The following SASH1 variants were observed in gnomAD, a reference collection of about 807,000 sequenced individuals.
SASH1 encodes SAM and SH3 domain containing 1.
Under a neutral mutation model 125.2 loss-of-function variants are expected in SASH1, and 44 were observed. That is an observed-to-expected ratio of 0.35 (90% CI 0.28 to 0.45). The LOEUF (loss-of-function observed/expected upper bound fraction) is 0.45. Ranked by LOEUF, SASH1 falls within the 20% of genes least tolerant of loss-of-function variation. The pLI is 1.00. For synonymous variants in SASH1, 639 were observed against 649.1 expected, an observed-to-expected ratio of 0.98 and a Z score of 0.24; for missense variants, 1,426 against 1,614.5, an observed-to-expected ratio of 0.88 and a Z score of 2.00.
intron 1 of SASH1, among the ~76,000 whole-genome samples, chr6:148,287,934 T>C (rs553619215): frequency 7.2e-5 from 11 of 152,336 alleles, no homozygotes; most frequent in Admixed American, 6.5e-4. Flanking sequence ...TTTAGTCCTC[T>C]CTGGAAAAAG....
At chr6:148,195,651 C>T in the SASH1 span, among the ~76,000 whole-genome samples, 1 of 152,212 alleles carries the variant, frequency 6.6e-6, no homozygotes, top group Non-Finnish European at 1.5e-5. Flanking sequence ...TGGGTGGTGG[C>T]TTCCCGTGAG....
At chr6:148,467,851 C>T (rs1011011843) in intron 4 of SASH1, among the ~76,000 whole-genome samples, 10 of 152,226 alleles carry the variant, frequency 6.6e-5, no homozygotes, top group East Asian at 1.9e-4. Flanking sequence ...ACAGGAGAAT[C>T]GCTTGAACCC....
intron 2 of SASH1, among the ~76,000 whole-genome samples, chr6:148,426,247 C>CT (rs1300191276): frequency 6.6e-6 from 1 of 151,840 alleles, no homozygotes; most frequent in African/African-American, 2.4e-5. Flanking sequence ...AATAATAATA[C>CT]TTTTTTTTCC....
chr6:148,484,208 C>T (rs1181459826), intron 7 of SASH1, among the ~76,000 whole-genome samples: 1 of 152,070 alleles, frequency 6.6e-6, no homozygotes, highest in African/African-American at 2.4e-5. Flanking sequence ...CCCTAAAGGT[C>T]TCCAAGATGG....
rs2115411127 is a variant in SASH1, at chr6:148,533,624, A to G, written c.1735-147A>G. The G allele has an allele frequency of 1.4e-6, 1 of 722,876 alleles. No individual in the cohort carries two copies. Among genetic ancestry groups the G allele is most frequent in the Non-Finnish European group, 2.4e-6 (1 of 419,640 alleles). The allele number at this position is 722,876 out of a possible 1,614,324, so 44.8% of individuals were successfully genotyped here. On this transcript the variant is annotated intron_variant, in intron 14 of 19. Transcript: ENST00000367467. The surrounding 1 kb of genome is among the most constrained non-coding windows in gnomAD (Gnocchi z 6.2). ...CGGAGCTCACAGTCACATCCTATGC[A>G]GGTCACTCAGAGGGGTGACTTGTGG...
chr6:148,431,922 C>T (rs1228478236), intron 2 of SASH1, among the ~76,000 whole-genome samples: 1 of 151,286 alleles, frequency 6.6e-6, no homozygotes, highest in Non-Finnish European at 1.5e-5. Context: ...ACCCATTTGT[C>T]ATAAGCAGGA....
intron 1 of SASH1, among the ~76,000 whole-genome samples, chr6:148,324,704 CT>C (rs1295328080): frequency 1.3e-5 from 2 of 152,198 alleles, no homozygotes; most frequent in African/African-American, 4.8e-5. Context: ...AAGAAATAGA[CT>C]CTGGGCTGAG....
intron 16 of SASH1, among the ~76,000 whole-genome samples, chr6:148,535,865 A>G (rs539428739): frequency 6.6e-6 from 1 of 152,346 alleles, no homozygotes; most frequent in South Asian, 2.1e-4. Flanking sequence ...AAGACACACC[A>G]AAACCATGGT....
chr6:148,487,634 G>A lies in SASH1; in HGVS notation c.648G>A (p.Gln216=), dbSNP rs1288607254. ...TACAGCTCAAGGAATACGAGGCCCA[G>A]CACCGGCAGTCGGCTGCCCTGGACC... The part of the protein sequence containing the change: ...ALARLKEYEA[Q]HRQSAALDPA... Residue 216 remains glutamine (Q), a synonymous_variant, in exon 8 of 20, where the codon CAG becomes CAA. Coordinates refer to ENST00000367467, the MANE Select transcript of SASH1 (RefSeq NM_015278.5). 1 of 1,613,444 alleles carries A rather than the reference G, an allele frequency of 6.2e-7. No homozygotes were observed. Among genetic ancestry groups the A allele is most frequent in the African/African-American group, 1.3e-5 (1 of 74,996 alleles).
At chr6:148,234,783 C>A in the SASH1 span, among the ~76,000 whole-genome samples, 1 of 150,946 alleles carries the variant, frequency 6.6e-6, no homozygotes, top group Non-Finnish European at 1.5e-5. Context: ...GCCGAGACTG[C>A]GCCATTGCAC....
intron 8 of SASH1, 69 bp downstream of exon 8, chr6:148,487,784 CTT>C: frequency 8.7e-7 from 1 of 1,148,070 alleles, no homozygotes; most frequent in Admixed American, 1.9e-5. Context: ...CCATTTTAGT[CTT>C]TGTATTTCTT....
intron 5 of SASH1, among the ~76,000 whole-genome samples, chr6:148,469,563 T>C (rs6927662): frequency 0.027 from 4,078 of 152,100 alleles, 173 homozygotes; most frequent in African/African-American, 0.093. Context: ...CAAGATGCTT[T>C]CTCTACCAAA....
chr6:148,221,948 T>C, the SASH1 span, among the ~76,000 whole-genome samples: 2 of 152,236 alleles, frequency 1.3e-5, no homozygotes, highest in African/African-American at 4.8e-5. Context: ...CTTTACCTCC[T>C]TTCTTCAGCC....
chr6:148,238,830 C>T, the SASH1 span, among the ~76,000 whole-genome samples: 1 of 152,150 alleles, frequency 6.6e-6, no homozygotes, highest in Non-Finnish European at 1.5e-5. Context: ...TGCTACTCAC[C>T]CAGCCTCCAT....
intron 1 of SASH1, among the ~76,000 whole-genome samples, chr6:148,387,613 T>TTTCTTTCTTTCTTTCTTTC (rs1783476796): frequency 2.9e-5 from 1 of 34,522 alleles, no homozygotes; most frequent in African/African-American, 1.4e-4. Context: ...TCTTTCTTTC[T>TTTCTTTCTTTCTTTCTTTC]TTCTTTCTTT....
At chr6:148,434,536 A>G (rs139418449) in intron 2 of SASH1, among the ~76,000 whole-genome samples, 62 of 152,180 alleles carry the variant, frequency 4.1e-4, no homozygotes, top group African/African-American at 1.4e-3. Flanking sequence ...GTTGGGATAT[A>G]TTTGTATTTG....
At chr6:148,302,615 C>G (rs13201475) in intron 1 of SASH1, among the ~76,000 whole-genome samples, 31,804 of 144,252 alleles carry the variant, frequency 0.22, 3,542 homozygotes, top group South Asian at 0.3. Flanking sequence ...CACACACACG[C>G]AGAAATCATA....
intron 2 of SASH1, among the ~76,000 whole-genome samples, chr6:148,398,645 T>A (rs988667455): frequency 2.6e-5 from 4 of 152,222 alleles, no homozygotes; most frequent in Non-Finnish European, 4.4e-5. Flanking sequence ...TGAGTTATCC[T>A]GCTGAAGCCC....
At chr6:148,332,590 A>T (rs1182593464) in intron 1 of SASH1, among the ~76,000 whole-genome samples, 2 of 140,600 alleles carry the variant, frequency 1.4e-5, no homozygotes, top group Non-Finnish European at 3.1e-5. Flanking sequence ...AATCCAACAG[A>T]GCTTTAAAAA....
Sources: gnomAD v4.1 joint callset for allele counts (sites outside exome capture counted in the v4.1 genomes callset) on GRCh38, gnomAD v4.1.1 for gene constraint, Gnocchi (gnomAD v3.1) non-coding constraint, MANE v1.5 for transcripts, NCBI Gene and HGNC (gene_info 2026-07-23, HGNC 2026-07-21) for gene names.